The following IGF1R variants were observed in gnomAD, a reference collection of about 807,000 sequenced individuals.
IGF1R encodes the protein insulin like growth factor 1 receptor, also known as insulin-like growth factor 1 receptor.
A neutral mutation model predicts 144.6 loss-of-function variants in IGF1R; 44 were observed. The ratio of observed to expected loss-of-function variants is 0.30; its 90% CI spans 0.24 to 0.39. The LOEUF (loss-of-function observed/expected upper bound fraction) is 0.39, where lower values mean the gene tolerates loss of function less well. Ranked by LOEUF, IGF1R falls within the 10% of genes least tolerant of loss-of-function variation. IGF1R has a pLI of 1.00. For synonymous variants in IGF1R, 795 were observed against 722.8 expected (o/e 1.10, Z -1.60); for missense variants, 1,355 against 1,833.7 (o/e 0.74, Z 4.77).
chr15:98,870,021 C>T (rs886324056), intron 2 of IGF1R, among the ~76,000 whole-genome samples: 3 of 152,196 alleles, frequency 2.0e-5, no homozygotes, highest in Admixed American at 6.5e-5. Context: ...AAACAGGATT[C>T]CTGCCCTAGT....
chr15:98,817,406 A>T (rs1391728526), intron 2 of IGF1R, among the ~76,000 whole-genome samples: 3 of 152,116 alleles, frequency 2.0e-5, no homozygotes, highest in Non-Finnish European at 2.9e-5. Context: ...AGTGATGAGC[A>T]TCTAAGAAGA....
chr15:98,889,258 A>T (rs1359374883), intron 2 of IGF1R, among the ~76,000 whole-genome samples: 1 of 152,250 alleles, frequency 6.6e-6, no homozygotes, highest in Non-Finnish European at 1.5e-5. Flanking sequence ...TGACAGTATC[A>T]TGACAGTTTT....
At chr15:98,893,374 T>C (rs1267788155) in intron 3 of IGF1R, 1 of 152,248 alleles carries the variant, frequency 6.6e-6, no homozygotes, top group African/African-American at 2.4e-5. Flanking sequence ...AAAATTACTC[T>C]GAATACTTTA....
At chr15:98,882,074 C>T (rs375856877) in intron 2 of IGF1R, among the ~76,000 whole-genome samples, 7 of 152,168 alleles carry the variant, frequency 4.6e-5, no homozygotes, top group South Asian at 2.1e-4. Context: ...CACAGAGAAA[C>T]GGCAAGCAAG....
At chr15:98,806,482 C>A (rs1352394721) in intron 2 of IGF1R, among the ~76,000 whole-genome samples, 2 of 150,644 alleles carry the variant, frequency 1.3e-5, no homozygotes, top group African/African-American at 4.9e-5. Flanking sequence ...TCAACTATTT[C>A]TTGATTAAAA....
chr15:98,718,845 A>T (rs1308762787), intron 2 of IGF1R, among the ~76,000 whole-genome samples: 2 of 152,082 alleles, frequency 1.3e-5, no homozygotes, highest in African/African-American at 4.8e-5. Flanking sequence ...TTGAATTAGG[A>T]TCACCCCCAC....
At chr15:98,806,448 A>G (rs1353197047) in intron 2 of IGF1R, among the ~76,000 whole-genome samples, 2 of 152,178 alleles carry the variant, frequency 1.3e-5, no homozygotes, top group Non-Finnish European at 2.9e-5. Flanking sequence ...CTGTGGGCTT[A>G]AAGTGCCTTC....
At chr15:98,782,896 A>G (rs1567126953) in intron 2 of IGF1R, among the ~76,000 whole-genome samples, 1 of 152,374 alleles carries the variant, frequency 6.6e-6, no homozygotes, top group East Asian at 1.9e-4. Context: ...GAGCTAAGAA[A>G]GCAATGTGGC....
chr15:98,685,663 G>A (rs1485824193), intron 1 of IGF1R, among the ~76,000 whole-genome samples: 1 of 152,176 alleles, frequency 6.6e-6, no homozygotes, highest in Non-Finnish European at 1.5e-5. Flanking sequence ...CTGGGCCCCT[G>A]GTGGTGCTTC....
At chr15:98,893,312 A>C (rs1233222460) in intron 3 of IGF1R, among the ~76,000 whole-genome samples, 1 of 152,224 alleles carries the variant, frequency 6.6e-6, no homozygotes, top group Non-Finnish European at 1.5e-5. Flanking sequence ...ATGTAGAGCA[A>C]CTTTCTCCCT....
chr15:98,808,013 AG>A (rs2056504193), intron 2 of IGF1R, among the ~76,000 whole-genome samples: 1 of 152,100 alleles, frequency 6.6e-6, no homozygotes, highest in Non-Finnish European at 1.5e-5. Flanking sequence ...TTTGGTGGTG[AG>A]GTACTATTTC....
At chr15:98,679,697 G>C (rs898409637) in intron 1 of IGF1R, among the ~76,000 whole-genome samples, 5 of 137,106 alleles carry the variant, frequency 3.6e-5, no homozygotes, top group African/African-American at 1.4e-4. Flanking sequence ...AATTGTTAGA[G>C]TGTACTCCTT....
chr15:98,691,583 CGAACTCCT>C (rs2053478278), intron 1 of IGF1R, among the ~76,000 whole-genome samples: 1 of 152,006 alleles, frequency 6.6e-6, no homozygotes, highest in Admixed American at 6.5e-5. Flanking sequence ...AGGCTGGTCT[CGAACTCCT>C]GACCTCGGGT....
intron 2 of IGF1R, among the ~76,000 whole-genome samples, chr15:98,876,326 A>G (rs79648869): frequency 0.02 from 2,987 of 151,558 alleles, 95 homozygotes; most frequent in African/African-American, 0.065. Context: ...AAAAAAAAAA[A>G]AGAGAGAGAG....
At chr15:98,941,141 C>T (rs2016350126) in intron 18 of IGF1R, among the ~76,000 whole-genome samples, 1 of 152,200 alleles carries the variant, frequency 6.6e-6, no homozygotes, top group Non-Finnish European at 1.5e-5. Flanking sequence ...GGCCAGGTGC[C>T]TTACATCCGG....
intron 2 of IGF1R, among the ~76,000 whole-genome samples, chr15:98,812,869 G>C (rs982237977): frequency 4.6e-5 from 7 of 152,206 alleles, no homozygotes; most frequent in African/African-American, 1.2e-4. Flanking sequence ...CTCCAGAGGA[G>C]CTGCCTTCAC....
chr15:98,743,315 G>A (rs1170656339), intron 2 of IGF1R, among the ~76,000 whole-genome samples: 1 of 152,102 alleles, frequency 6.6e-6, no homozygotes, highest in South Asian at 2.1e-4. Flanking sequence ...TTGAGGTAAC[G>A]AATTTTCATG....
chr15:98,861,354 G>A (rs1312804296), intron 2 of IGF1R, among the ~76,000 whole-genome samples: 1 of 152,016 alleles, frequency 6.6e-6, no homozygotes, highest in East Asian at 1.9e-4. Context: ...TATTAGCTCC[G>A]CCCTCCTAGT....
intron 20 of IGF1R, among the ~76,000 whole-genome samples, chr15:98,955,965 T>C (rs1289270430): frequency 6.6e-6 from 1 of 152,172 alleles, no homozygotes; most frequent in South Asian, 2.1e-4. Context: ...GGCACTTTGG[T>C]TTCACGCTCA....
Sources: gnomAD v4.1 joint callset for allele counts (sites outside exome capture counted in the v4.1 genomes callset) on GRCh38, gnomAD v4.1.1 for gene constraint, MANE v1.5 for transcripts, NCBI Gene and HGNC (gene_info 2026-07-23, HGNC 2026-07-21) for gene names.